The following COL4A6 variants were observed in gnomAD, a reference collection of about 807,000 sequenced individuals.
The protein encoded by COL4A6 is collagen alpha-6(IV) chain.
COL4A6 carries 59 observed loss-of-function variants against 126.7 expected under a neutral mutation model. The ratio of observed to expected loss-of-function variants is 0.47; its 90% CI spans 0.38 to 0.58. COL4A6 has a LOEUF of 0.58. Ranked by LOEUF, COL4A6 falls within the 20% of genes least tolerant of loss-of-function variation. The probability of loss-of-function intolerance (pLI) is 0.00; values close to 1 mark genes in which losing one functional copy is unlikely to be tolerated. For synonymous variants in COL4A6, 547 were observed against 496.6 expected (o/e 1.10, Z -1.35); for missense variants, 1,285 against 1,337.3 (o/e 0.96, Z 0.61).
intron 2 of COL4A6, among the ~76,000 whole-genome samples, chrX:108,414,900 G>A (rs138350886): frequency 5.1e-4 from 57 of 112,101 alleles, no homozygotes; most frequent in African/African-American, 1.7e-3. Flanking sequence ...TCACCAGTTT[G>A]TAACAGCTAG....
chrX:108,184,373 T>C (rs1052710309), intron 23 of COL4A6, among the ~76,000 whole-genome samples: 2 of 112,361 alleles, frequency 1.8e-5, no homozygotes, highest in African/African-American at 6.5e-5. Context: ...CCAAAACTCA[T>C]GTTGAGACTT....
Position 108,161,629 on chromosome X carries a change from T to G in COL4A6, c.4323A>C (p.Pro1441=). The G allele has an allele frequency of 1.3e-6, 1 of 797,777 alleles. No individual in the cohort carries two copies. The highest frequency in any genetic ancestry group is 2.3e-5 in the South Asian group (1 of 42,642). The allele number at this position is 797,777 out of a possible 1,213,427, so 65.7% of individuals were successfully genotyped here. ...GTGGCATCATCAGACCTTCAAATCC[T>G]GGAGGGCCTTGCAGTCCAGGCAGAC... ...DPGLPGLQGP[P]GFEGAPGQQG... Residue 1441 remains proline, a synonymous_variant, in exon 42 of 45, where the codon CCA becomes CCC. Coordinates refer to ENST00000334504, the MANE Select transcript of COL4A6 (RefSeq NM_033641.4).
intron 32 of COL4A6, 102 bp downstream of exon 32, chrX:108,172,365 GAA>G (rs397935341): frequency 0.013 from 1,464 of 108,719 alleles, no homozygotes; most frequent in East Asian, 0.04. Context: ...GCCTAAAAAA[GAA>G]AAAAAAAAAA....
At chrX:108,168,838 G>C (rs2034209593) in intron 37 of COL4A6, among the ~76,000 whole-genome samples, 1 of 111,663 alleles carries the variant, frequency 9.0e-6, no homozygotes, top group African/African-American at 3.3e-5. Flanking sequence ...TCATTTCCTG[G>C]TTAACATGGA....
intron 23 of COL4A6, among the ~76,000 whole-genome samples, chrX:108,185,221 G>A (rs1602749149): frequency 1.8e-5 from 2 of 110,259 alleles, no homozygotes; most frequent in Admixed American, 1.9e-4. Flanking sequence ...GTGAAAGCCT[G>A]TCTCTACTAA....
chrX:108,292,993 C>CAAAAAAAAAAAAAAAA (rs149076547), intron 3 of COL4A6, among the ~76,000 whole-genome samples: 2 of 14,557 alleles, frequency 1.4e-4, no homozygotes, highest in Non-Finnish European at 2.4e-4. Context: ...AGGAAAAAAG[C>CAAAAAAAAAAAAAAAA]AAAAAAAAAA....
rs890730461 is a variant in COL4A6 at position 108,195,272 on chromosome X, C to A, written c.904-146G>T. The A allele has an allele frequency of 3.6e-5, 12 of 334,241 alleles. 1 individual carries two copies. The highest frequency in any genetic ancestry group is 3.5e-4 in the South Asian group (5 of 14,228). 27.5% of individuals were successfully genotyped at this position (334,241 alleles called of 1,213,427 possible). On this transcript the variant is annotated intron_variant, in intron 14 of 44. Transcript: ENST00000334504. ...GCGAATGTTCCTAGACCTAGCTTAA[C>A]GACTTTTTTTTTTTTTTGAGATGGA...
At position 108,418,102 on chromosome X, in the gene COL4A6, T is replaced by C. The variant is rs1233124077; in HGVS notation, c.63+19840A>G. Reference sequence around the variant, plus strand: ...GCAGACACCCAAATGTTGCAGACCATAGTTGAGAAGCAATGGTGCTTTTCT... The same window carrying C: ...GCAGACACCCAAATGTTGCAGACCACAGTTGAGAAGCAATGGTGCTTTTCT... On this transcript the variant is annotated intron_variant, in intron 2 of 44. Coordinates refer to ENST00000334504, the MANE Select transcript of COL4A6 (RefSeq NM_033641.4). 1.3e-4 allele frequency among the ~76,000 whole-genome samples: 15 copies of C among 112,038 alleles called. No homozygotes were observed. The Admixed American group carries it at 1.4e-3, about 11-fold the overall frequency.
chrX:108,370,623 C>T (rs897940933), intron 2 of COL4A6, among the ~76,000 whole-genome samples: 1 of 111,582 alleles, frequency 9.0e-6, no homozygotes, highest in Non-Finnish European at 1.9e-5. Context: ...AAAACCTCAA[C>T]ACAGTGCTTT....
chrX:108,334,910 A>T (rs1332113), intron 2 of COL4A6, among the ~76,000 whole-genome samples: 1,337 of 111,621 alleles, frequency 0.012, 25 homozygotes, highest in African/African-American at 0.042. Flanking sequence ...AACTCCTTTC[A>T]CTGTCATTTT....
At chrX:108,186,055 G>C (rs973265143) in intron 23 of COL4A6, among the ~76,000 whole-genome samples, 1 of 112,161 alleles carries the variant, frequency 8.9e-6, no homozygotes, top group Non-Finnish European at 1.9e-5. Context: ...GGTTGAAAAA[G>C]TTGGTTGTAT....
At chrX:108,158,502 G>A (rs962340817) in intron 44 of COL4A6, among the ~76,000 whole-genome samples, 3 of 112,377 alleles carry the variant, frequency 2.7e-5, no homozygotes, top group African/African-American at 9.7e-5. Context: ...CACAGCATTT[G>A]TACCATTTCC....
chrX:108,280,909 A>G (rs1375993182), intron 3 of COL4A6, among the ~76,000 whole-genome samples: 2 of 112,063 alleles, frequency 1.8e-5, no homozygotes, highest in Non-Finnish European at 3.8e-5. Flanking sequence ...GATTACCTCA[A>G]CAGATGCAGA....
chrX:108,217,065 G>A (rs1026933537), intron 5 of COL4A6, among the ~76,000 whole-genome samples: 5 of 112,244 alleles, frequency 4.5e-5, no homozygotes, highest in African/African-American at 9.7e-5. Flanking sequence ...TTGTTCTAAT[G>A]TTGACTATCT....
chrX:108,348,584 A>G (rs113731958), intron 2 of COL4A6, among the ~76,000 whole-genome samples: 132 of 112,439 alleles, frequency 1.2e-3, no homozygotes, highest in African/African-American at 3.9e-3. Flanking sequence ...TTAAAACAAA[A>G]TAAAAACAAA....
At chrX:108,344,111 A>C (rs929573116) in intron 2 of COL4A6, among the ~76,000 whole-genome samples, 1 of 111,542 alleles carries the variant, frequency 9.0e-6, no homozygotes, top group Non-Finnish European at 1.9e-5. Flanking sequence ...TCAAAAAGTA[A>C]TGTTTCTCAC....
intron 3 of COL4A6, among the ~76,000 whole-genome samples, chrX:108,259,943 T>C (rs1294500863): frequency 6.4e-5 from 1 of 15,637 alleles, no homozygotes; most frequent in East Asian, 1.7e-3. Context: ...GGGAACTGAA[T>C]CATACTAATT....
rs1209722471 is a variant in COL4A6, at chrX:108,187,928, C to A, written c.1687G>T (p.Gly563Cys). The A allele has an allele frequency of 8.3e-7, 1 of 1,210,090 alleles. No individual in the cohort carries two copies. Among genetic ancestry groups the A allele is most frequent in the Admixed American group, 2.2e-5 (1 of 46,022 alleles). ...ATTACACCACGGAAGCCCTGGGAGC[C>A]AGAATCACCCCGATCTCCTGGCATT... ...QGMPGDRGDSGSQGFRGVIGE... is the reference protein window; with the variant it reads ...QGMPGDRGDSCSQGFRGVIGE... Residue 563 changes from glycine to cysteine, a missense_variant, in exon 22 of 45, where the codon GGC becomes TGC. Gly to Cys is a radical substitution (Grantham distance 159, BLOSUM62 -3). Transcript: ENST00000334504.
chrX:108,242,194 A>C (rs1193589941), intron 3 of COL4A6, among the ~76,000 whole-genome samples: 1 of 110,958 alleles, frequency 9.0e-6, no homozygotes, highest in African/African-American at 3.3e-5. Context: ...ATACCTAATC[A>C]CATTTAATAA....
Sources: gnomAD v4.1 joint callset for allele counts (sites outside exome capture counted in the v4.1 genomes callset) on GRCh38, gnomAD v4.1.1 for gene constraint, MANE v1.5 for transcripts, NCBI Gene and HGNC (gene_info 2026-07-23, HGNC 2026-07-21) for gene names.